The following EPB41L2 variants were observed in gnomAD, a reference collection of about 807,000 sequenced individuals.
EPB41L2 encodes the protein erythrocyte membrane protein band 4.1 like 2, also known as band 4.1-like protein 2.
In EPB41L2, 43 loss-of-function variants were observed where a neutral mutation model predicts 113.0. The ratio of observed to expected loss-of-function variants is 0.38; its 90% confidence interval spans 0.30 to 0.49. The LOEUF (loss-of-function observed/expected upper bound fraction) is 0.49. Ranked by LOEUF, EPB41L2 falls within the 20% of genes least tolerant of loss-of-function variation. The pLI, the probability that EPB41L2 is intolerant of heterozygous loss-of-function variation, is 0.95. For missense variants in EPB41L2, 1,147 were observed against 1,223.4 expected (o/e 0.94, Z 0.93); for synonymous variants, 442 against 436.7 (o/e 1.01, Z -0.15).
chr6:130,944,685 A>C (rs1812193817), intron 3 of EPB41L2, among the ~76,000 whole-genome samples: 1 of 152,184 alleles, frequency 6.6e-6, no homozygotes, highest in Admixed American at 6.5e-5. Flanking sequence ...AGGGTCAGAA[A>C]CTGGAAGGAA....
At chr6:131,001,456 A>C (rs1784368210) in intron 1 of EPB41L2, among the ~76,000 whole-genome samples, 1 of 152,196 alleles carries the variant, frequency 6.6e-6, no homozygotes, top group Non-Finnish European at 1.5e-5. Context: ...CAGCATTATA[A>C]GAAGCGCAGA....
intron 4 of EPB41L2, 147 bp from the exon 5 acceptor site, chr6:130,909,010 T>C: frequency 1.7e-6 from 1 of 594,508 alleles, no homozygotes; most frequent in Non-Finnish European, 2.9e-6. Flanking sequence ...TCCACTGGGC[T>C]AAGTATTGCT....
At chr6:130,991,127 A>G (rs1415981101) in intron 1 of EPB41L2, among the ~76,000 whole-genome samples, 1 of 152,060 alleles carries the variant, frequency 6.6e-6, no homozygotes, top group Non-Finnish European at 1.5e-5. Flanking sequence ...CTTACCAAAC[A>G]GTACAATCTT....
In EPB41L2 at chr6:130,839,571, C is replaced by G. The variant is rs186343133; in HGVS notation, c.*1033G>C. The stretch of plus-strand genomic sequence containing the variant: ...AACCAACAGAACACCACCACAGCCC[C>G]CTCCCCCTCTCCCCAGCATCCTCAA... On this transcript the variant is annotated 3_prime_UTR_variant, in exon 20 of 20. Transcript: ENST00000337057. The G allele has an allele frequency of 5.9e-5, 9 of 152,250 alleles. No individual in the cohort carries two copies. Among genetic ancestry groups the G allele is most frequent in the Admixed American group, 2.0e-4 (3 of 15,290 alleles). 9.4% of individuals were successfully genotyped at this position (152,250 alleles called of 1,614,324 possible).
intron 1 of EPB41L2, among the ~76,000 whole-genome samples, chr6:130,991,053 T>C (rs1781742836): frequency 6.6e-6 from 1 of 152,060 alleles, no homozygotes; most frequent in Non-Finnish European, 1.5e-5. Flanking sequence ...ATGGTCTCAA[T>C]CTCGTAACCT....
rs140930467 is a variant in EPB41L2 at position 130,849,567 on chromosome 6, A to AC, written c.*5+8563dup. Reference sequence around the variant, plus strand: ...ATGCCCATTAGTAGGGATTAAGTAAACCATCATGCGTCCATTCAACTAATC... The same window carrying AC: ...ATGCCCATTAGTAGGGATTAAGTAAACCCATCATGCGTCCATTCAACTAATC... On this transcript the variant is annotated intron_variant, in intron 19 of 19. Transcript: ENST00000337057. Among the ~76,000 whole-genome samples the AC allele has an allele frequency of 9.5e-3, 1,454 of 152,284 alleles. 20 individuals are homozygous for AC. Among genetic ancestry groups the AC allele is most frequent in the African/African-American group, 0.033 (1,364 of 41,536 alleles).
chr6:130,924,886 T>C (rs562895924), intron 4 of EPB41L2, among the ~76,000 whole-genome samples: 2 of 152,278 alleles, frequency 1.3e-5, no homozygotes, highest in African/African-American at 2.4e-5. Flanking sequence ...TGTCTACATA[T>C]ACGGAGGCTA....
intron 1 of EPB41L2, among the ~76,000 whole-genome samples, chr6:130,984,373 T>C (rs1428552526): frequency 2.0e-5 from 3 of 152,228 alleles, no homozygotes; most frequent in Non-Finnish European, 4.4e-5. Context: ...TTATGTACTG[T>C]ACCTAACTGT....
chr6:131,051,448 AAAGC>A (rs1796511101), intron 1 of EPB41L2, among the ~76,000 whole-genome samples: 1 of 128,686 alleles, frequency 7.8e-6, no homozygotes, highest in African/African-American at 3.3e-5. Context: ...TCACAAAAGT[AAAGC>A]AAAAAAAAAA....
intron 3 of EPB41L2, among the ~76,000 whole-genome samples, chr6:130,931,777 AGTTCTTCCTTTCCCCCGAGATTCTGGTAT>A (rs1456693783): frequency 6.6e-6 from 1 of 152,198 alleles, no homozygotes; most frequent in Non-Finnish European, 1.5e-5. Context: ...TCCTCAAAAT[AGTTCTTCCTTTCCCCCGAGATTCTGGTAT>A]GTTCCATCTT....
chr6:131,054,245 G>A (rs1412945184), intron 1 of EPB41L2, among the ~76,000 whole-genome samples: 6 of 152,164 alleles, frequency 3.9e-5, no homozygotes, highest in South Asian at 4.1e-4. Flanking sequence ...GACTTGTAAC[G>A]GGGTTTCTCA....
intron 1 of EPB41L2, among the ~76,000 whole-genome samples, chr6:131,004,218 C>A (rs1273738820): frequency 6.6e-6 from 1 of 152,044 alleles, no homozygotes; most frequent in African/African-American, 2.4e-5. Context: ...ATACTCCCAA[C>A]AACAGATGGA....
At chr6:130,998,823 T>C (rs1783717721) in intron 1 of EPB41L2, among the ~76,000 whole-genome samples, 1 of 152,178 alleles carries the variant, frequency 6.6e-6, no homozygotes, top group Non-Finnish European at 1.5e-5. Flanking sequence ...CTAATCTTCC[T>C]GAACTCCAGT....
intron 4 of EPB41L2, among the ~76,000 whole-genome samples, chr6:130,914,533 C>A (rs1011580401): frequency 6.6e-6 from 1 of 152,142 alleles, no homozygotes; most frequent in Admixed American, 6.5e-5. Context: ...TAAAAATCCA[C>A]CCGGCAAATT....
At position 130,865,627 on chromosome 6, in the gene EPB41L2, C is replaced by T; in HGVS notation, c.2738G>A (p.Gly913Asp). The part of the protein sequence containing the change: ...TITYESPQID[G>D]GAGGDSGTLL... ...CGTGCCCGAATCACCACCAGCCCCG[C>T]CATCAATCTTTGGATAGTTGGGGGA... The change falls in exon 17 of 20, where the codon GGC becomes GAC. Residue 913 changes from glycine to aspartate, a missense_variant. Transcript: ENST00000337057. 6.2e-7 allele frequency: 1 copy of T among 1,614,118 alleles called. No individual in the cohort carries two copies. The highest frequency in any genetic ancestry group is 1.7e-5 in the Admixed American group (1 of 60,016).
intron 3 of EPB41L2, among the ~76,000 whole-genome samples, chr6:130,940,653 G>T (rs996044487): frequency 7.9e-5 from 12 of 152,050 alleles, no homozygotes; most frequent in Non-Finnish European, 1.3e-4. Context: ...TTTTAGTAGA[G>T]ATGGGGTTTC....
At chr6:131,010,394 T>A (rs939805792) in intron 1 of EPB41L2, among the ~76,000 whole-genome samples, 2 of 151,314 alleles carry the variant, frequency 1.3e-5, no homozygotes, top group African/African-American at 4.9e-5. Context: ...TTCTTCCTGA[T>A]AGAAATAAAG....
chr6:130,998,839 T>C (rs1301478527), intron 1 of EPB41L2, among the ~76,000 whole-genome samples: 1 of 152,134 alleles, frequency 6.6e-6, no homozygotes, highest in Admixed American at 6.6e-5. Context: ...CCAGTTCTGA[T>C]CATATCATTC....
intron 19 of EPB41L2, among the ~76,000 whole-genome samples, chr6:130,848,901 T>C (rs544273731): frequency 6.6e-6 from 1 of 152,352 alleles, no homozygotes. Context: ...GTTACGTTAA[T>C]GTCTAGGATC....
Sources: allele counts gnomAD v4.1 joint callset (sites outside exome capture counted in the v4.1 genomes callset), GRCh38; gene constraint gnomAD v4.1.1; transcripts MANE v1.5; gene names NCBI Gene and HGNC (gene_info 2026-07-23, HGNC 2026-07-21).